The following ANK3 variants were observed in gnomAD, a reference collection of about 807,000 sequenced individuals.
ANK3 encodes the protein ankyrin-3.
ANK3 carries 57 observed loss-of-function variants against 370.9 expected under a neutral mutation model. That is an observed-to-expected ratio of 0.15 (90% CI 0.12 to 0.19). The LOEUF is 0.19. Ranked by LOEUF, ANK3 falls within the 10% of genes least tolerant of loss-of-function variation. The pLI is 1.00. For synonymous variants in ANK3, 1,929 were observed against 1,946.3 expected (o/e 0.99, Z 0.23); for missense variants, 4,439 against 5,302.1 (o/e 0.84, Z 5.06).
chr10:60,597,409 C>T (rs1441849318), intron 2 of ANK3, among the ~76,000 whole-genome samples: 1 of 152,158 alleles, frequency 6.6e-6, no homozygotes, highest in Middle Eastern at 3.2e-3. Context: ...AACCTGTATG[C>T]AAATCAGCAG....
intron 2 of ANK3, among the ~76,000 whole-genome samples, chr10:60,454,616 C>T (rs1303811761): frequency 2.6e-5 from 4 of 152,136 alleles, no homozygotes; most frequent in African/African-American, 9.7e-5. Flanking sequence ...ATAGGCCACC[C>T]TTTGGCTCTG....
intron 21 of ANK3, among the ~76,000 whole-genome samples, chr10:60,171,297 GC>G (rs960671890): frequency 3.3e-5 from 5 of 152,256 alleles, no homozygotes; most frequent in African/African-American, 1.2e-4. Context: ...CCCGTAATCA[GC>G]AGGCTTGTTT....
At chr10:60,603,850 C>G (rs2078096781) in intron 2 of ANK3, among the ~76,000 whole-genome samples, 1 of 152,120 alleles carries the variant, frequency 6.6e-6, no homozygotes, top group Non-Finnish European at 1.5e-5. Context: ...GCTTGTCTAT[C>G]TGTAAGAATA....
intron 2 of ANK3, among the ~76,000 whole-genome samples, chr10:60,420,808 A>G (rs1459517809): frequency 6.6e-6 from 1 of 152,120 alleles, no homozygotes; most frequent in Non-Finnish European, 1.5e-5. Flanking sequence ...TTCCTCCAAA[A>G]GTTAAACAAA....
intron 18 of ANK3, among the ~76,000 whole-genome samples, chr10:60,176,379 A>AAG (rs1555069972): frequency 3.6e-4 from 54 of 150,648 alleles, no homozygotes; most frequent in African/African-American, 1.2e-3. Context: ...AAAAAAAAAA[A>AAG]AAAAAGAAAG....
chr10:60,176,066 C>T (rs563358997), intron 18 of ANK3, among the ~76,000 whole-genome samples: 36 of 151,990 alleles, frequency 2.4e-4, no homozygotes, highest in African/African-American at 8.4e-4. Flanking sequence ...GGTGTGGTGG[C>T]TCACGCCTGT....
At chr10:60,540,542 T>C (rs1033707536) in intron 2 of ANK3, among the ~76,000 whole-genome samples, 1 of 151,880 alleles carries the variant, frequency 6.6e-6, no homozygotes, top group Non-Finnish European at 1.5e-5. Context: ...AGGAAACCAT[T>C]TACTGAGTTA....
At chr10:60,056,756 GTTCTTGCCTA>G (rs1284915995) in intron 41 of ANK3, among the ~76,000 whole-genome samples, 1 of 152,186 alleles carries the variant, frequency 6.6e-6, no homozygotes, top group Non-Finnish European at 1.5e-5. Context: ...GGACTCAGTG[GTTCTTGCCTA>G]TATTCCCAGC....
intron 1 of ANK3, among the ~76,000 whole-genome samples, chr10:60,707,303 G>C (rs188502349): frequency 1.3e-4 from 20 of 152,130 alleles, no homozygotes; most frequent in Admixed American, 1.0e-3. Context: ...ATCAAAATAT[G>C]ACATTTTAAC....
chr10:60,481,507 A>C (rs1240711613), intron 2 of ANK3, among the ~76,000 whole-genome samples: 1 of 152,072 alleles, frequency 6.6e-6, no homozygotes, highest in Non-Finnish European at 1.5e-5. Flanking sequence ...CTGTTGCCCA[A>C]GCTGGAGTGC....
At chr10:60,485,932 A>C (rs1034177348) in intron 2 of ANK3, among the ~76,000 whole-genome samples, 1 of 152,208 alleles carries the variant, frequency 6.6e-6, no homozygotes, top group Non-Finnish European at 1.5e-5. Context: ...GAAAGTATAG[A>C]AAGATGATGA....
At chr10:60,462,459 T>A (rs1313156287) in intron 2 of ANK3, among the ~76,000 whole-genome samples, 1 of 152,178 alleles carries the variant, frequency 6.6e-6, no homozygotes, top group Non-Finnish European at 1.5e-5. Context: ...AGTTTAAGTA[T>A]TTACAATTTC....
chr10:60,320,402 T>C (rs1045365501), intron 1 of ANK3, among the ~76,000 whole-genome samples: 1 of 152,192 alleles, frequency 6.6e-6, no homozygotes, highest in African/African-American at 2.4e-5. Context: ...GAGATCTGCC[T>C]GGCCAACATG....
intron 23 of ANK3, among the ~76,000 whole-genome samples, chr10:60,151,102 T>C (rs1433559082): frequency 6.6e-6 from 1 of 152,214 alleles, no homozygotes; most frequent in African/African-American, 2.4e-5. Flanking sequence ...GTATTAATAA[T>C]GCTGTTGAAT....
intron 1 of ANK3, among the ~76,000 whole-genome samples, chr10:60,654,440 A>G (rs1311640970): frequency 6.6e-6 from 1 of 152,170 alleles, no homozygotes; most frequent in Non-Finnish European, 1.5e-5. Context: ...TTTTTCATAG[A>G]TGTCTTTATT....
At position 60,575,154 on chromosome 10, in the gene ANK3, G is replaced by A. The variant is rs374419330; in HGVS notation, c.96+40032C>T. ...ATAAAATTCTTTTTAAACTATAAAC[G>A]GGTGTTTAAATTAATGTAAAATTTA... On this transcript the variant is annotated intron_variant, in intron 2 of 43. Coordinates refer to the ANK3 transcript ENST00000373827. Among the ~76,000 whole-genome samples, 11 of 152,172 alleles carry A rather than the reference G, an allele frequency of 7.2e-5. No individual in the cohort carries two copies. In the Middle Eastern group the frequency reaches 0.01, roughly 141 times the overall value.
intron 1 of ANK3, among the ~76,000 whole-genome samples, chr10:60,337,381 A>C (rs1323293953): frequency 6.6e-6 from 1 of 152,064 alleles, no homozygotes; most frequent in Non-Finnish European, 1.5e-5. Flanking sequence ...CTATAATCTA[A>C]GTTCTGATCC....
At chr10:60,660,763 G>A (rs2078925285) in intron 1 of ANK3, among the ~76,000 whole-genome samples, 1 of 152,154 alleles carries the variant, frequency 6.6e-6, no homozygotes, top group African/African-American at 2.4e-5. Context: ...CCTACACAGA[G>A]AAGTAGGGAT....
chr10:60,317,710 ATTTT>A (rs11365078), intron 1 of ANK3, among the ~76,000 whole-genome samples: 2 of 109,334 alleles, frequency 1.8e-5, no homozygotes, highest in African/African-American at 3.4e-5. Flanking sequence ...TCATGAGATA[ATTTT>A]TTTTTTTTTT....
Sources: gnomAD v4.1 joint callset for allele counts (sites outside exome capture counted in the v4.1 genomes callset) on GRCh38, gnomAD v4.1.1 for gene constraint, MANE v1.5 for transcripts, NCBI Gene and HGNC (gene_info 2026-07-23, HGNC 2026-07-21) for gene names.